The following CTNNA2 variants were observed in gnomAD, a reference collection of about 807,000 sequenced individuals.
CTNNA2 encodes catenin alpha 2, also known as catenin alpha-2.
CTNNA2 carries 42 observed loss-of-function variants against 101.0 expected under a neutral mutation model. The ratio of observed to expected loss-of-function variants is 0.42; its 90% confidence interval spans 0.32 to 0.54. The LOEUF (loss-of-function observed/expected upper bound fraction) is 0.54, where lower values mean the gene tolerates loss of function less well. Among genes scored for constraint, CTNNA2 ranks in the 20% least tolerant of loss-of-function variants. The pLI, the probability that CTNNA2 is intolerant of heterozygous loss-of-function variation, is 0.14. For missense variants in CTNNA2, 871 were observed against 1,223.1 expected, an observed-to-expected ratio of 0.71 and a Z score of 4.29; for synonymous variants, 450 against 456.4, an observed-to-expected ratio of 0.99 and a Z score of 0.18.
chr2:80,619,256 G>A lies in CTNNA2; in HGVS notation c.2574+28G>A, dbSNP rs147846674. On this transcript the variant is annotated intron_variant, in intron 18 of 18. Coordinates refer to ENST00000402739, the MANE Select transcript of CTNNA2 (RefSeq NM_001282597.3). ...GAGTAAATTGACTTTCTAATCTAAT[G>A]TCTTTCATTGTAATCATGAATTCTG... 1.5e-3 allele frequency: 2,201 copies of A among 1,478,292 alleles called. 1 individual carries two copies. The highest frequency in any genetic ancestry group is 1.8e-3 in the Non-Finnish European group (2,037 of 1,106,454). The allele number at this position is 1,478,292 out of a possible 1,614,324, so 91.6% of individuals were successfully genotyped here.
intron 12 of CTNNA2, among the ~76,000 whole-genome samples, chr2:80,568,594 TGTGA>T (rs1191346108): frequency 2.1e-5 from 3 of 141,132 alleles, no homozygotes; most frequent in African/African-American, 5.3e-5. Context: ...TGTGTGTGTG[TGTGA>T]GATTAGGATG....
At chr2:79,989,815 C>G (rs1692041169) in intron 7 of CTNNA2, among the ~76,000 whole-genome samples, 1 of 152,134 alleles carries the variant, frequency 6.6e-6, no homozygotes, top group South Asian at 2.1e-4. Flanking sequence ...CCAAAGGGGT[C>G]TACAGGGTGT....
chr2:79,891,297 A>G (rs972610121), intron 6 of CTNNA2, among the ~76,000 whole-genome samples: 41 of 152,302 alleles, frequency 2.7e-4, no homozygotes, highest in African/African-American at 9.4e-4. Context: ...AAGCAAGTAC[A>G]TGGCTAATCT....
chr2:79,573,636 T>C (rs1675603277), intron 1 of CTNNA2: 1 of 152,244 alleles, frequency 6.6e-6, no homozygotes, highest in African/African-American at 2.4e-5. Flanking sequence ...ATTCCTGTTT[T>C]ACACTTTTAT....
intron 2 of CTNNA2, among the ~76,000 whole-genome samples, chr2:79,666,760 C>G (rs1181677092): frequency 6.6e-6 from 1 of 152,140 alleles, no homozygotes; most frequent in Non-Finnish European, 1.5e-5. Flanking sequence ...GTAAGAAATA[C>G]TTGATAATAG....
At chr2:80,636,356 G>A (rs1178443544) in intron 18 of CTNNA2, among the ~76,000 whole-genome samples, 1 of 152,162 alleles carries the variant, frequency 6.6e-6, no homozygotes, top group Admixed American at 6.5e-5. Context: ...AACCCACTTT[G>A]TAGCAAAATA....
At chr2:80,444,994 C>T (rs1293859109) in intron 9 of CTNNA2, among the ~76,000 whole-genome samples, 1 of 152,044 alleles carries the variant, frequency 6.6e-6, no homozygotes, top group Non-Finnish European at 1.5e-5. Context: ...CCACACGTTG[C>T]CCAGTGCCCC....
intron 9 of CTNNA2, among the ~76,000 whole-genome samples, chr2:80,443,351 G>T (rs961666601): frequency 6.6e-6 from 1 of 152,126 alleles, no homozygotes; most frequent in African/African-American, 2.4e-5. Context: ...CATTTTTCAG[G>T]CTGCTATTTA....
intron 12 of CTNNA2, among the ~76,000 whole-genome samples, chr2:80,561,259 C>T (rs941932599): frequency 1.2e-4 from 18 of 152,066 alleles, no homozygotes; most frequent in Admixed American, 3.3e-4. Flanking sequence ...TAAGTTACTT[C>T]GGCATGACTA....
At chr2:79,402,020 C>T (rs1678295122) in intron 4 of CTNNA2, among the ~76,000 whole-genome samples, 1 of 151,546 alleles carries the variant, frequency 6.6e-6, no homozygotes, top group African/African-American at 2.4e-5. Flanking sequence ...GCTATAATAA[C>T]ATCAGACAAA....
At chr2:79,937,463 T>C (rs189965835) in intron 7 of CTNNA2, among the ~76,000 whole-genome samples, 5 of 152,230 alleles carry the variant, frequency 3.3e-5, no homozygotes, top group African/African-American at 7.2e-5. Context: ...TCTTCACTCA[T>C]GATTTCTTGA....
chr2:79,329,231 G>T lies in CTNNA2; in HGVS notation c.-318+16435G>T, dbSNP rs142283684. On this transcript the variant is annotated intron_variant, in intron 3 of 21. Coordinates refer to the CTNNA2 transcript ENST00000466387. ...TAAGGCCTCAAATAGCAGGGCCACTGCTTCCTGCCTTGTATCCTTTTCCGG... is the reference window on the plus strand; with the variant it reads ...TAAGGCCTCAAATAGCAGGGCCACTTCTTCCTGCCTTGTATCCTTTTCCGG... 4.4e-3 allele frequency among the ~76,000 whole-genome samples: 668 copies of T among 152,260 alleles called. 2 individuals are homozygous for T. Among genetic ancestry groups the T allele is most frequent in the African/African-American group, 0.015 (629 of 41,544 alleles).
intron 7 of CTNNA2, among the ~76,000 whole-genome samples, chr2:79,932,900 G>A (rs1037557599): frequency 1.3e-5 from 2 of 152,142 alleles, no homozygotes; most frequent in African/African-American, 4.8e-5. Flanking sequence ...CTTTGAATGT[G>A]TCTACTGTAA....
intron 7 of CTNNA2, among the ~76,000 whole-genome samples, chr2:80,266,936 G>A (rs1480423613): frequency 1.3e-5 from 2 of 152,154 alleles, no homozygotes; most frequent in African/African-American, 4.8e-5. Flanking sequence ...GGCATCCATT[G>A]TATGTAAGGA....
intron 3 of CTNNA2, among the ~76,000 whole-genome samples, chr2:79,747,132 A>G (rs1337887851): frequency 1.3e-5 from 2 of 152,120 alleles, no homozygotes; most frequent in East Asian, 3.9e-4. Flanking sequence ...AATTAATTTC[A>G]TCTCTATTAT....
At chr2:79,388,346 A>G (rs749503970) in intron 4 of CTNNA2, among the ~76,000 whole-genome samples, 5 of 152,186 alleles carry the variant, frequency 3.3e-5, no homozygotes, top group Non-Finnish European at 7.3e-5. Context: ...TAGAATGTAT[A>G]CATGACTTTT....
intron 1 of CTNNA2, among the ~76,000 whole-genome samples, chr2:79,196,362 A>G (rs969236134): frequency 3.3e-5 from 5 of 151,968 alleles, no homozygotes; most frequent in African/African-American, 1.2e-4. Flanking sequence ...ACTCACCCCA[A>G]CCTGCCATTG....
chr2:80,514,901 A>T lies in CTNNA2; in HGVS notation c.1291-30081A>T, dbSNP rs76426098. 3.0e-3 allele frequency among the ~76,000 whole-genome samples: 464 copies of T among 152,290 alleles called. 5 individuals carry two copies. The East Asian group carries it at 0.046, about 15-fold the overall frequency. On this transcript the variant is annotated intron_variant, in intron 9 of 18. Transcript: ENST00000402739. ...ACCAATCAGGAGAGAGAGGGCACAC[A>T]GGGATAGAAGTTCTCACTTTGGGCC...
At chr2:80,631,361 A>ATTTT (rs35491193) in intron 18 of CTNNA2, among the ~76,000 whole-genome samples, 1,084 of 108,298 alleles carry the variant, frequency 0.01, 22 homozygotes, top group African/African-American at 0.032. Flanking sequence ...GAAACCACTA[A>ATTTT]TTTTTTTTTT....
Sources: allele counts gnomAD v4.1 joint callset (sites outside exome capture counted in the v4.1 genomes callset), GRCh38; gene constraint gnomAD v4.1.1; transcripts MANE v1.5; gene names NCBI Gene and HGNC (gene_info 2026-07-23, HGNC 2026-07-21).